CTIF: variants seen among roughly 807,000 people sequenced by gnomAD.
CTIF encodes the protein CBP80/20-dependent translation initiation factor.
Under a neutral mutation model 66.0 loss-of-function variants are expected in CTIF, and 21 were observed. The ratio of observed to expected loss-of-function variants is 0.32; its 90% CI spans 0.23 to 0.46. The LOEUF is 0.46. CTIF is among the 20% of genes least tolerant of loss of function. The pLI is 1.00. For synonymous variants in CTIF, 345 were observed against 326.4 expected (o/e 1.06, Z -0.62); for missense variants, 739 against 812.7 (o/e 0.91, Z 1.10).
At chr18:48,802,488 G>T (rs967630404) in intron 9 of CTIF, among the ~76,000 whole-genome samples, 2 of 152,214 alleles carry the variant, frequency 1.3e-5, no homozygotes, top group African/African-American at 2.4e-5. Flanking sequence ...ATGCCTTGGG[G>T]GGTCCAAAGA....
At chr18:48,615,078 G>T (rs992042123) in intron 1 of CTIF, among the ~76,000 whole-genome samples, 3 of 151,972 alleles carry the variant, frequency 2.0e-5, no homozygotes, top group African/African-American at 7.2e-5. Context: ...AAAATTTTTG[G>T]AAAGACGAGG....
Position 48,623,333 on chromosome 18 carries a change from G to T in CTIF, c.180+3588G>T, listed in dbSNP as rs374902218. Among the ~76,000 whole-genome samples the T allele has an allele frequency of 2.0e-5, 3 of 152,308 alleles. No homozygotes were observed. The East Asian group carries it at 5.8e-4, about 29-fold the overall frequency. ...CTGCCTGCTGCTGCCGGAAAGGGAG[G>T]ATGTTTCAATCCTGCCCCTACCGCG... On this transcript the variant is annotated intron_variant, in intron 2 of 11. Coordinates refer to ENST00000256413, the MANE Select transcript of CTIF (RefSeq NM_014772.3).
At chr18:48,622,357 C>G (rs1421436298) in intron 2 of CTIF, among the ~76,000 whole-genome samples, 2 of 151,680 alleles carry the variant, frequency 1.3e-5, no homozygotes, top group Non-Finnish European at 2.9e-5. Context: ...CAGGAGAGGG[C>G]TGGGTGTGAG....
chr18:48,694,600 A>G (rs895730245), intron 6 of CTIF, among the ~76,000 whole-genome samples: 2 of 152,208 alleles, frequency 1.3e-5, no homozygotes, highest in South Asian at 2.1e-4. Context: ...GCCAGAACCA[A>G]TGGCTGCCCA....
chr18:48,835,025 C>T (rs1437195687), intron 10 of CTIF, among the ~76,000 whole-genome samples: 2 of 152,236 alleles, frequency 1.3e-5, no homozygotes, highest in Non-Finnish European at 1.5e-5. Context: ...AAGGAAAGAA[C>T]CAAGGTTTGC....
chr18:48,577,001 T>G lies in CTIF; in HGVS notation c.-29+37689T>G, dbSNP rs1426544824. Among the ~76,000 whole-genome samples, 3 of 152,252 alleles carry G rather than the reference T, an allele frequency of 2.0e-5. No homozygotes were observed. In the South Asian group the frequency reaches 6.2e-4, roughly 31 times the overall value. ...CGTGGCCTCCATTCCCCTGGGATGA[T>G]CTGCGGGGACAGGGTCTGCCCAGAG... On this transcript the variant is annotated intron_variant, in intron 1 of 11. Coordinates refer to ENST00000256413, the MANE Select transcript of CTIF (RefSeq NM_014772.3).
chr18:48,800,909 C>G (rs925561017), intron 9 of CTIF, among the ~76,000 whole-genome samples: 4 of 152,200 alleles, frequency 2.6e-5, no homozygotes, highest in African/African-American at 9.7e-5. Context: ...CAGGCGTGTC[C>G]TCAACCACAT....
intron 9 of CTIF, among the ~76,000 whole-genome samples, chr18:48,785,732 A>G (rs1911644517): frequency 6.6e-6 from 1 of 152,208 alleles, no homozygotes; most frequent in South Asian, 2.1e-4. Flanking sequence ...AACAGTATCA[A>G]CAGCTGCCAT....
At chr18:48,787,682 G>A (rs1020436558) in intron 9 of CTIF, among the ~76,000 whole-genome samples, 3 of 152,162 alleles carry the variant, frequency 2.0e-5, no homozygotes, top group Admixed American at 6.5e-5. Flanking sequence ...GCCTCATCAC[G>A]CATTCCATCT....
intron 2 of CTIF, among the ~76,000 whole-genome samples, chr18:48,621,244 C>A (rs1396047335): frequency 2.4e-5 from 3 of 126,290 alleles, no homozygotes; most frequent in African/African-American, 9.0e-5. Flanking sequence ...GCAGGAGGGG[C>A]TTGCAGTTTT....
At chr18:48,782,418 C>G (rs958312382) in intron 9 of CTIF, among the ~76,000 whole-genome samples, 1 of 152,168 alleles carries the variant, frequency 6.6e-6, no homozygotes, top group African/African-American at 2.4e-5. Context: ...AGCCAGGTCC[C>G]CCTGTCCCCC....
chr18:48,708,842 C>T (rs1459491802), intron 6 of CTIF, among the ~76,000 whole-genome samples: 1 of 152,188 alleles, frequency 6.6e-6, no homozygotes, highest in Non-Finnish European at 1.5e-5. Flanking sequence ...TTCCCATGCC[C>T]TCCCTCCCTG....
intron 9 of CTIF, among the ~76,000 whole-genome samples, chr18:48,785,549 GGACCCAGCCACAA>G (rs545576588): frequency 1.3e-4 from 20 of 151,872 alleles, no homozygotes; most frequent in Non-Finnish European, 2.1e-4. Flanking sequence ...CGGAAGAGCT[GGACCCAGCCACAA>G]GACCATCAAG....
intron 3 of CTIF, among the ~76,000 whole-genome samples, chr18:48,645,556 TG>T (rs2091014995): frequency 6.6e-6 from 1 of 152,050 alleles, no homozygotes; most frequent in South Asian, 2.1e-4. Flanking sequence ...AGAAGGCCAG[TG>T]GGGAGCTGTG....
At chr18:48,851,652 G>A (rs149297309) in intron 10 of CTIF, among the ~76,000 whole-genome samples, 3 of 152,200 alleles carry the variant, frequency 2.0e-5, no homozygotes, top group South Asian at 2.1e-4. Context: ...GGCCCCAGGC[G>A]CACTTCCCTC....
chr18:48,846,659 G>GTGGA (rs141622294), intron 10 of CTIF, among the ~76,000 whole-genome samples: 1 of 147,492 alleles, frequency 6.8e-6, no homozygotes. Context: ...GGATGGGTGG[G>GTGGA]TGGATGGATG....
At chr18:48,556,167 G>C (rs1299879452) in intron 1 of CTIF, among the ~76,000 whole-genome samples, 2 of 152,164 alleles carry the variant, frequency 1.3e-5, no homozygotes, top group Non-Finnish European at 2.9e-5. Flanking sequence ...GGTGGTGAGT[G>C]CTCCGGATCG....
intron 6 of CTIF, among the ~76,000 whole-genome samples, chr18:48,705,488 A>G (rs1406058156): frequency 6.6e-6 from 1 of 152,194 alleles, no homozygotes; most frequent in Non-Finnish European, 1.5e-5. Flanking sequence ...CAAAGATTCT[A>G]TTTTCAAATA....
chr18:48,559,698 G>A (rs1361934608), intron 1 of CTIF, among the ~76,000 whole-genome samples: 1 of 152,184 alleles, frequency 6.6e-6, no homozygotes, highest in Non-Finnish European at 1.5e-5. Context: ...TCTCCATGCA[G>A]GTTTCTCCAC....
Sources: gnomAD v4.1 joint callset for allele counts (sites outside exome capture counted in the v4.1 genomes callset) on GRCh38, gnomAD v4.1.1 for gene constraint, MANE v1.5 for transcripts, NCBI Gene and HGNC (gene_info 2026-07-23, HGNC 2026-07-21) for gene names.